Variants in NDUFS4 observed in about 807,000 individuals in gnomAD.
NDUFS4 encodes NADH dehydrogenase [ubiquinone] iron-sulfur protein 4, mitochondrial.
NDUFS4 carries 28 observed loss-of-function variants against 24.3 expected under a neutral mutation model. The observed-to-expected ratio is 1.15, with a 90% CI of 0.85 to 1.58. The LOEUF is 1.58. NDUFS4 is among the 40% of genes most tolerant of loss of function. The pLI is 0.00. For missense variants in NDUFS4, 223 were observed against 207.9 expected (o/e 1.07, Z -0.45); for synonymous variants, 93 against 69.7 (o/e 1.34, Z -1.67).
chr5:53,570,004 AAATT>A (rs1749158600), intron 1 of NDUFS4, among the ~76,000 whole-genome samples: 1 of 152,200 alleles, frequency 6.6e-6, no homozygotes, highest in Non-Finnish European at 1.5e-5. Context: ...TTATAAAGAA[AAATT>A]AACTGTTTTC....
intron 4 of NDUFS4, among the ~76,000 whole-genome samples, chr5:53,669,366 C>A (rs1752605275): frequency 6.6e-6 from 1 of 152,108 alleles, no homozygotes; most frequent in Non-Finnish European, 1.5e-5. Context: ...CCCTTACATT[C>A]CAAACCTACT....
chr5:53,663,446 T>G (rs893826457), intron 4 of NDUFS4, among the ~76,000 whole-genome samples: 2 of 152,178 alleles, frequency 1.3e-5, no homozygotes, highest in African/African-American at 4.8e-5. Context: ...AAGTCTCCCA[T>G]TGTTATTGCG....
At chr5:53,579,033 A>G (rs563113178) in intron 1 of NDUFS4, among the ~76,000 whole-genome samples, 1 of 152,310 alleles carries the variant, frequency 6.6e-6, no homozygotes, top group African/African-American at 2.4e-5. Context: ...GCTTTGATCA[A>G]GGTCAGCAGT....
intron 2 of NDUFS4, among the ~76,000 whole-genome samples, chr5:53,636,758 C>T (rs1379962748): frequency 6.6e-6 from 1 of 152,090 alleles, no homozygotes; most frequent in Non-Finnish European, 1.5e-5. Context: ...TAGGTTAGCA[C>T]CATCCTGTCT....
chr5:53,598,230 T>C (rs1750190244), intron 1 of NDUFS4, among the ~76,000 whole-genome samples: 1 of 152,214 alleles, frequency 6.6e-6, no homozygotes, highest in Non-Finnish European at 1.5e-5. Flanking sequence ...TAACGTATGA[T>C]CAGCAGTTGT....
intron 2 of NDUFS4, among the ~76,000 whole-genome samples, chr5:53,628,350 G>A (rs1170821506): frequency 6.6e-6 from 1 of 152,020 alleles, no homozygotes; most frequent in African/African-American, 2.4e-5. Flanking sequence ...TTCTTTTTTT[G>A]TTGTGTCTCT....
chr5:53,663,451 A>C (rs1180271387), intron 4 of NDUFS4, among the ~76,000 whole-genome samples: 1 of 151,978 alleles, frequency 6.6e-6, no homozygotes, highest in East Asian at 1.9e-4. Context: ...TCCCATTGTT[A>C]TTGCGTGGGA....
intron 1 of NDUFS4, among the ~76,000 whole-genome samples, chr5:53,561,802 G>T (rs905873791): frequency 2.6e-5 from 4 of 152,062 alleles, no homozygotes; most frequent in Non-Finnish European, 4.4e-5. Flanking sequence ...TTTTATTAAG[G>T]TTTAAATATA....
At chr5:53,655,968 A>G (rs1752151025) in intron 3 of NDUFS4, among the ~76,000 whole-genome samples, 1 of 152,044 alleles carries the variant, frequency 6.6e-6, no homozygotes, top group African/African-American at 2.4e-5. Context: ...TCATTTTGAA[A>G]CCTTGCTGAA....
intron 1 of NDUFS4, among the ~76,000 whole-genome samples, chr5:53,577,003 G>GT (rs1462652368): frequency 6.6e-6 from 1 of 152,138 alleles, no homozygotes. Context: ...CGGGGTTTGT[G>GT]TAGGGCTTCA....
intron 1 of NDUFS4, among the ~76,000 whole-genome samples, chr5:53,564,075 G>A: frequency 6.6e-6 from 1 of 152,152 alleles, no homozygotes; most frequent in East Asian, 1.9e-4. Flanking sequence ...ATTAATGACT[G>A]GTGGGGACTG....
intron 4 of NDUFS4, among the ~76,000 whole-genome samples, chr5:53,665,902 C>T (rs895754843): frequency 2.6e-5 from 4 of 152,328 alleles, no homozygotes; most frequent in East Asian, 1.9e-4. Context: ...AGAAATCACC[C>T]GTCTTCTGCG....
At chr5:53,654,696 A>G (rs1055439097) in intron 3 of NDUFS4, among the ~76,000 whole-genome samples, 24 of 152,264 alleles carry the variant, frequency 1.6e-4, no homozygotes, top group African/African-American at 5.8e-4. Context: ...CCGAGAAGAA[A>G]CTCATTCACT....
At chr5:53,569,862 G>T (rs751748378) in intron 1 of NDUFS4, among the ~76,000 whole-genome samples, 1 of 152,040 alleles carries the variant, frequency 6.6e-6, no homozygotes, top group African/African-American at 2.4e-5. Flanking sequence ...CATTTTGTCA[G>T]TGTTGATCTT....
chr5:53,585,874 T>G (rs1338707019), intron 1 of NDUFS4, among the ~76,000 whole-genome samples: 2 of 152,210 alleles, frequency 1.3e-5, no homozygotes, highest in Admixed American at 1.3e-4. Context: ...ATTTCTGAGT[T>G]GATAGTTTTT....
chr5:53,566,384 T>C (rs1027267223), intron 1 of NDUFS4, among the ~76,000 whole-genome samples: 29 of 152,186 alleles, frequency 1.9e-4, no homozygotes, highest in Admixed American at 6.5e-5. Flanking sequence ...CAAGCAAAAT[T>C]AATTCCAAGT....
chr5:53,560,746 C>T lies in NDUFS4; in HGVS notation c.84C>T (p.Ser28=), dbSNP rs2112398012. 3 of 1,614,234 alleles carry T rather than the reference C, an allele frequency of 1.9e-6. No homozygotes were observed. Among genetic ancestry groups the T allele is most frequent in the South Asian group, 1.1e-5 (1 of 91,088 alleles). Residue 28 remains serine (S), a synonymous_variant, in exon 1 of 5, where the codon TCC becomes TCT. Transcript: ENST00000296684. ...RAVAVAALSV[S]RVPTRSLRTS... is the part of the protein sequence containing the mutation. ...TGGCTGTAGCTGCCCTTTCCGTTTC[C>T]AGGGTTCCGACCAGGTAATAGAATT...
chr5:53,581,828 G>A (rs192738600), intron 1 of NDUFS4, among the ~76,000 whole-genome samples: 429 of 152,184 alleles, frequency 2.8e-3, no homozygotes, highest in Middle Eastern at 0.014. Context: ...CAGTTTAACC[G>A]TAGGCTAATT....
At chr5:53,575,037 C>T (rs914529155) in intron 1 of NDUFS4, among the ~76,000 whole-genome samples, 2 of 152,216 alleles carry the variant, frequency 1.3e-5, no homozygotes, top group Admixed American at 6.5e-5. Context: ...TTGTTGCCAC[C>T]GCATGTGGCT....
Sources: allele counts gnomAD v4.1 joint callset (sites outside exome capture counted in the v4.1 genomes callset), GRCh38; gene constraint gnomAD v4.1.1; transcripts MANE v1.5; gene names NCBI Gene and HGNC (gene_info 2026-07-23, HGNC 2026-07-21).